Variants in ZMAT3 observed in about 807,000 individuals in gnomAD.
The protein encoded by ZMAT3 is zinc finger matrin-type 3, also known as zinc finger matrin-type protein 3.
A neutral mutation model predicts 32.3 loss-of-function variants in ZMAT3; 17 were observed. That is an observed-to-expected ratio of 0.53 (90% confidence interval 0.36 to 0.79). The LOEUF is 0.79. Ranked by LOEUF, ZMAT3 falls within the 30% of genes least tolerant of loss-of-function variation. The probability of loss-of-function intolerance (pLI) is 0.00; values close to 1 mark genes in which losing one functional copy is unlikely to be tolerated. For synonymous variants in ZMAT3, 120 were observed against 133.1 expected, an observed-to-expected ratio of 0.90 and a Z score of 0.68; for missense variants, 329 against 359.7, an observed-to-expected ratio of 0.91 and a Z score of 0.69.
At chr3:179,069,146 G>T (rs1721578981) in intron 1 of ZMAT3, among the ~76,000 whole-genome samples, 1 of 152,008 alleles carries the variant, frequency 6.6e-6, no homozygotes. Flanking sequence ...ACAAAATAAG[G>T]TATCAAGGAA....
chr3:179,020,124 A>C lies in ZMAT3; in HGVS notation c.*4893T>G, dbSNP rs1454212306. On this transcript the variant is annotated 3_prime_UTR_variant, in exon 6 of 6. Coordinates refer to ENST00000311417, the MANE Select transcript of ZMAT3 (RefSeq NM_022470.4). ...ATTCACACAGACCTTTGTTATTCCA[A>C]GCTCCTATTTATGAATGGTGATTAA... 6.6e-6 allele frequency: 1 copy of C among 152,218 alleles called. No individual in the cohort carries two copies. The highest frequency in any genetic ancestry group is 2.4e-5 in the African/African-American group (1 of 41,470). 9.4% of individuals were successfully genotyped at this position (152,218 alleles called of 1,614,324 possible). A position where few individuals can be genotyped will look rare whatever the true frequency, so the allele number is the denominator to read the frequency against.
At chr3:179,058,564 A>G (rs537174421) in intron 2 of ZMAT3, among the ~76,000 whole-genome samples, 14 of 152,104 alleles carry the variant, frequency 9.2e-5, no homozygotes, top group South Asian at 2.1e-4. Context: ...AGACCATCCT[A>G]GCTAAAACGG....
At chr3:179,061,345 T>C (rs939643105) in intron 2 of ZMAT3, among the ~76,000 whole-genome samples, 3 of 151,640 alleles carry the variant, frequency 2.0e-5, no homozygotes, top group African/African-American at 7.3e-5. Flanking sequence ...ATATGAAAAA[T>C]ATAATGCAAG....
At position 179,026,208 on chromosome 3, in the gene ZMAT3, A is replaced by T. The variant is rs192038235; in HGVS notation, c.659-980T>A. 2.8e-4 allele frequency among the ~76,000 whole-genome samples: 43 copies of T among 152,232 alleles called. No individual in the cohort carries two copies. The East Asian group carries it at 8.1e-3, about 29-fold the overall frequency. ...CATTTCATTGTACTCTGGTCAGAGAACATAATCTATCCTAAAATTTATTTT... is the reference window on the plus strand; with the variant it reads ...CATTTCATTGTACTCTGGTCAGAGATCATAATCTATCCTAAAATTTATTTT... On this transcript the variant is annotated intron_variant, in intron 5 of 5. Transcript: ENST00000311417.
intron 2 of ZMAT3, among the ~76,000 whole-genome samples, chr3:179,060,387 A>AC (rs1206407198): frequency 6.5e-4 from 96 of 147,524 alleles, no homozygotes; most frequent in African/African-American, 2.1e-3. Context: ...AAGAAAGAAT[A>AC]TTTTTTTTTT....
intron 2 of ZMAT3, among the ~76,000 whole-genome samples, chr3:179,059,221 G>A (rs1297530929): frequency 6.6e-6 from 1 of 152,124 alleles, no homozygotes; most frequent in African/African-American, 2.4e-5. Flanking sequence ...CCCCTAGTAT[G>A]GGGTAATCCC....
chr3:179,057,774 C>T (rs1720926275), intron 2 of ZMAT3, among the ~76,000 whole-genome samples: 1 of 152,226 alleles, frequency 6.6e-6, no homozygotes, highest in Non-Finnish European at 1.5e-5. Flanking sequence ...CCTAAAGCAA[C>T]TAATAGGGTT....
intron 2 of ZMAT3, among the ~76,000 whole-genome samples, chr3:179,042,737 G>A (rs1053366000): frequency 6.6e-6 from 1 of 152,176 alleles, no homozygotes; most frequent in African/African-American, 2.4e-5. Flanking sequence ...AATCAGGCAA[G>A]AGAAAGAAAT....
chr3:179,031,241 GA>G (rs753173864), intron 2 of ZMAT3, among the ~76,000 whole-genome samples: 15,163 of 140,630 alleles, frequency 0.11, 960 homozygotes, highest in Non-Finnish European at 0.15. Flanking sequence ...GTATGTACAG[GA>G]AAAAAAAAAA....
At chr3:179,069,618 C>G (rs1455377414) in intron 1 of ZMAT3, among the ~76,000 whole-genome samples, 1 of 152,120 alleles carries the variant, frequency 6.6e-6, no homozygotes, top group African/African-American at 2.4e-5. Flanking sequence ...AAGTTAAAGT[C>G]TATTTTACCA....
intron 3 of ZMAT3, among the ~76,000 whole-genome samples, chr3:179,029,969 G>T (rs1719089949): frequency 6.6e-6 from 1 of 152,090 alleles, no homozygotes; most frequent in South Asian, 2.1e-4. Flanking sequence ...GGCACGATAT[G>T]TACTCTATTA....
intron 1 of ZMAT3, among the ~76,000 whole-genome samples, chr3:179,069,612 TA>T (rs1164566707): frequency 5.9e-5 from 9 of 152,220 alleles, no homozygotes; most frequent in Non-Finnish European, 2.9e-5. Flanking sequence ...TTTGAAAAGT[TA>T]AAGTCTATTT....
chr3:179,027,259 G>A (rs1175756651), intron 5 of ZMAT3, among the ~76,000 whole-genome samples, 164 bp downstream of exon 5: 1 of 152,066 alleles, frequency 6.6e-6, no homozygotes, highest in African/African-American at 2.4e-5. Context: ...GTAAATAAAT[G>A]AGACCTGAAA....
rs1720267509 is a variant in ZMAT3 at position 179,046,871 on chromosome 3, C to A, written c.271-15872G>T. On this transcript the variant is annotated intron_variant, in intron 2 of 5. Coordinates refer to ENST00000311417, the MANE Select transcript of ZMAT3 (RefSeq NM_022470.4). The surrounding 1 kb of genome is among the most constrained non-coding windows in gnomAD (Gnocchi z 4.3). ...CAAGCCCCACCCAAGGAGAGACTGA[C>A]CTCAGACATGCCTAACCCTGCCCCA... 6.6e-6 allele frequency among the ~76,000 whole-genome samples: 1 copy of A among 152,184 alleles called. No individual in the cohort carries two copies. The highest frequency in any genetic ancestry group is 2.4e-5 in the African/African-American group (1 of 41,440).
At chr3:179,050,799 TTAGGGATGGTTTTACATC>T (rs1720515348) in intron 2 of ZMAT3, among the ~76,000 whole-genome samples, 1 of 151,862 alleles carries the variant, frequency 6.6e-6, no homozygotes, top group Non-Finnish European at 1.5e-5. Context: ...CACCAGGGAT[TTAGGGATGGTTTTACATC>T]TAGGGATGGT....
At chr3:179,068,311 A>G (rs533434862) in intron 1 of ZMAT3, among the ~76,000 whole-genome samples, 2 of 152,252 alleles carry the variant, frequency 1.3e-5, no homozygotes, top group African/African-American at 4.8e-5. Flanking sequence ...GTTCGAGACC[A>G]GCCTGTTCAA....
intron 2 of ZMAT3, among the ~76,000 whole-genome samples, chr3:179,047,396 C>A (rs1720298543): frequency 6.6e-6 from 1 of 152,166 alleles, no homozygotes. Flanking sequence ...CATAGTCTAC[C>A]CAAATGAGGA....
rs1719551762 is a variant in ZMAT3, at chr3:179,035,720, C to T, written c.271-4721G>A. On this transcript the variant is annotated intron_variant, in intron 2 of 5. Coordinates refer to ENST00000311417, the MANE Select transcript of ZMAT3 (RefSeq NM_022470.4). ...GCCTAGAATAGTTTCCAGAATATAG[C>T]AAGCAAGCAATAAATAACTGTTGGA... Among the ~76,000 whole-genome samples the T allele has an allele frequency of 2.0e-5, 3 of 152,000 alleles. No individual in the cohort carries two copies. In the South Asian group the frequency reaches 6.2e-4, roughly 32 times the overall value.
At chr3:179,054,430 C>T (rs1039084979) in intron 2 of ZMAT3, among the ~76,000 whole-genome samples, 1 of 152,018 alleles carries the variant, frequency 6.6e-6, no homozygotes, top group Non-Finnish European at 1.5e-5. Context: ...TTCTTAATAT[C>T]CTATAAAACA....
Sources: gnomAD v4.1 joint callset for allele counts (sites outside exome capture counted in the v4.1 genomes callset) on GRCh38, gnomAD v4.1.1 for gene constraint, Gnocchi (gnomAD v3.1) non-coding constraint, MANE v1.5 for transcripts, NCBI Gene and HGNC (gene_info 2026-07-23, HGNC 2026-07-21) for gene names.